HS6ST3: variants seen among roughly 807,000 people sequenced by gnomAD.
The protein encoded by HS6ST3 is heparan-sulfate 6-O-sulfotransferase 3.
HS6ST3 carries 12 observed loss-of-function variants against 36.7 expected under a neutral mutation model. The observed-to-expected ratio is 0.33, with a 90% CI of 0.21 to 0.53. HS6ST3 has a LOEUF of 0.53. Among genes scored for constraint, HS6ST3 ranks in the 20% least tolerant of loss-of-function variants. The probability of loss-of-function intolerance (pLI) is 0.95; values close to 1 mark genes in which losing one functional copy is unlikely to be tolerated. For synonymous variants in HS6ST3, 240 were observed against 257.5 expected (o/e 0.93, Z 0.65); for missense variants, 584 against 640.9 (o/e 0.91, Z 0.96).
At chr13:96,225,737 T>A (rs1020160407) in intron 1 of HS6ST3, among the ~76,000 whole-genome samples, 12 of 152,200 alleles carry the variant, frequency 7.9e-5, no homozygotes, top group Non-Finnish European at 1.6e-4. Flanking sequence ...TTACCCAGAT[T>A]TTTTGGTTTT....
chr13:96,559,714 C>A (rs904585331), intron 1 of HS6ST3, among the ~76,000 whole-genome samples: 1 of 151,750 alleles, frequency 6.6e-6, no homozygotes, highest in Non-Finnish European at 1.5e-5. Flanking sequence ...CATTACACTG[C>A]AGATTATTCT....
chr13:96,568,636 G>A (rs528419813), intron 1 of HS6ST3, among the ~76,000 whole-genome samples: 21 of 152,224 alleles, frequency 1.4e-4, no homozygotes, highest in Middle Eastern at 6.8e-3. Flanking sequence ...AGACCATAAT[G>A]AACATAATGA....
intron 1 of HS6ST3, among the ~76,000 whole-genome samples, chr13:96,199,945 T>C (rs1594713616): frequency 6.6e-6 from 1 of 152,180 alleles, no homozygotes; most frequent in Non-Finnish European, 1.5e-5. Context: ...GGTAGCCGAC[T>C]TCTAGACTCT....
chr13:96,141,229 A>G (rs1450768905), intron 1 of HS6ST3, among the ~76,000 whole-genome samples: 4 of 152,256 alleles, frequency 2.6e-5, no homozygotes, highest in African/African-American at 9.6e-5. Context: ...AGTTAACACC[A>G]GATGGCAGTC....
chr13:96,417,732 T>TCACACACACACACACACACACACA (rs1211935095), intron 1 of HS6ST3, among the ~76,000 whole-genome samples: 20 of 137,228 alleles, frequency 1.5e-4, no homozygotes, highest in African/African-American at 5.5e-4. Context: ...ATAGCTTATT[T>TCACACACACACACACACACACACA]CACACACACA....
At chr13:96,224,329 T>A (rs2054470236) in intron 1 of HS6ST3, among the ~76,000 whole-genome samples, 1 of 152,096 alleles carries the variant, frequency 6.6e-6, no homozygotes, top group South Asian at 2.1e-4. Context: ...ATGAGCTGTT[T>A]GTCACTTTTT....
intron 1 of HS6ST3, among the ~76,000 whole-genome samples, chr13:96,368,149 C>T (rs531953018): frequency 6.6e-6 from 1 of 152,228 alleles, no homozygotes; most frequent in African/African-American, 2.4e-5. Context: ...GTGAGTTTCC[C>T]TCTCTCATTG....
intron 1 of HS6ST3, among the ~76,000 whole-genome samples, chr13:96,549,918 C>T (rs9582053): frequency 0.17 from 26,102 of 152,044 alleles, 3,068 homozygotes; most frequent in African/African-American, 0.34. Context: ...TCGGTATTCC[C>T]TTCTGGCAAT....
chr13:96,579,611 T>A (rs868692377), intron 1 of HS6ST3, among the ~76,000 whole-genome samples: 30 of 152,286 alleles, frequency 2.0e-4, no homozygotes, highest in African/African-American at 7.2e-4. Context: ...GCTTAGCCTT[T>A]CATTTAAACA....
intron 1 of HS6ST3, among the ~76,000 whole-genome samples, chr13:96,348,941 A>C (rs1594759662): frequency 6.6e-6 from 1 of 152,230 alleles, no homozygotes; most frequent in African/African-American, 2.4e-5. Context: ...GGATGTTTTG[A>C]GTGCAGACAA....
At chr13:96,473,491 C>G (rs2055849026) in intron 1 of HS6ST3, among the ~76,000 whole-genome samples, 1 of 152,138 alleles carries the variant, frequency 6.6e-6, no homozygotes, top group Non-Finnish European at 1.5e-5. Context: ...TTGACACACA[C>G]CTGATTGCCT....
intron 1 of HS6ST3, among the ~76,000 whole-genome samples, chr13:96,483,223 G>A (rs562785697): frequency 2.6e-5 from 4 of 152,216 alleles, no homozygotes; most frequent in Non-Finnish European, 5.9e-5. Flanking sequence ...GGTCAGGGAA[G>A]TGGTACTAGA....
rs142498798 is a variant in HS6ST3, at chr13:96,100,882, T to A, written c.707+9313T>A. ...AATTTCTTCTAATTCAGTTTATGGA[T>A]GCCCTGTTGTGTTCTACAAATGAGA... On this transcript the variant is annotated intron_variant, in intron 1 of 1. Coordinates refer to ENST00000376705, the MANE Select transcript of HS6ST3 (RefSeq NM_153456.4). 1.4e-3 allele frequency among the ~76,000 whole-genome samples: 215 copies of A among 152,326 alleles called. 1 individual carries two copies. The highest frequency in any genetic ancestry group is 2.5e-3 in the Admixed American group (38 of 15,290).
At chr13:96,544,035 C>T (rs1270221437) in intron 1 of HS6ST3, among the ~76,000 whole-genome samples, 3 of 151,784 alleles carry the variant, frequency 2.0e-5, no homozygotes, top group African/African-American at 4.8e-5. Context: ...TGACAGTAGT[C>T]GATCTGAAAA....
chr13:96,462,856 G>A (rs2055791859), intron 1 of HS6ST3, among the ~76,000 whole-genome samples: 1 of 152,034 alleles, frequency 6.6e-6, no homozygotes, highest in Non-Finnish European at 1.5e-5. Context: ...CCAAGAATTT[G>A]GTGTAGCAAT....
intron 1 of HS6ST3, among the ~76,000 whole-genome samples, chr13:96,196,291 G>A (rs560909358): frequency 4.6e-5 from 7 of 152,014 alleles, no homozygotes; most frequent in African/African-American, 7.2e-5. Flanking sequence ...CTTCAGTTTC[G>A]TAGCTGGTCT....
At chr13:96,727,538 A>G (rs1462321692) in intron 1 of HS6ST3, among the ~76,000 whole-genome samples, 1 of 152,184 alleles carries the variant, frequency 6.6e-6, no homozygotes, top group African/African-American at 2.4e-5. Context: ...TTATTGTAAA[A>G]TAAAGATTGT....
chr13:96,137,154 TCCACCC>T (rs1378678288), intron 1 of HS6ST3, among the ~76,000 whole-genome samples: 3 of 121,384 alleles, frequency 2.5e-5, no homozygotes, highest in African/African-American at 6.0e-5. Flanking sequence ...GATTTCTTCC[TCCACCC>T]CCACCCCCAC....
In HS6ST3 at chr13:96,550,693, A is replaced by G. The variant is rs540752662; in HGVS notation, c.708-281797A>G. Among the ~76,000 whole-genome samples the G allele has an allele frequency of 2.0e-5, 3 of 152,178 alleles. No homozygotes were observed. In the East Asian group the frequency reaches 5.8e-4, roughly 29 times the overall value. The stretch of plus-strand genomic sequence containing the variant: ...GCTTGTATACTCAAAACTTGGCGTA[A>G]TTATGTATTGAGTGAAGGGAGGAAT... On this transcript the variant is annotated intron_variant, in intron 1 of 1. Coordinates refer to ENST00000376705, the MANE Select transcript of HS6ST3 (RefSeq NM_153456.4).
Sources: allele counts gnomAD v4.1 joint callset (sites outside exome capture counted in the v4.1 genomes callset), GRCh38; gene constraint gnomAD v4.1.1; transcripts MANE v1.5; gene names NCBI Gene and HGNC (gene_info 2026-07-23, HGNC 2026-07-21).